SLC4A1AP: variants seen among roughly 807,000 people sequenced by gnomAD.
SLC4A1AP encodes the protein solute carrier family 4 member 1 adaptor protein.
SLC4A1AP carries 64 observed loss-of-function variants against 89.7 expected under a neutral mutation model. The ratio of observed to expected loss-of-function variants is 0.71; its 90% CI spans 0.58 to 0.88. SLC4A1AP has a LOEUF of 0.88. Among genes scored for constraint, SLC4A1AP ranks in the 40% least tolerant of loss-of-function variants. The pLI is 0.00. For synonymous variants in SLC4A1AP, 366 were observed against 353.3 expected (o/e 1.04, Z -0.40); for missense variants, 931 against 965.0 (o/e 0.96, Z 0.47).
intron 2 of SLC4A1AP, among the ~76,000 whole-genome samples, chr2:27,666,876 T>A (rs1289551269): frequency 7.0e-5 from 10 of 142,316 alleles, no homozygotes; most frequent in East Asian, 2.4e-4. Flanking sequence ...TATATATTTT[T>A]TTTTTTTTGG....
chr2:27,673,760 C>G (rs1675468922), intron 5 of SLC4A1AP, among the ~76,000 whole-genome samples: 2 of 152,100 alleles, frequency 1.3e-5, no homozygotes, highest in Non-Finnish European at 2.9e-5. Flanking sequence ...AATGTACCAT[C>G]TTAACCTGCA....
At chr2:27,672,591 G>T (rs1675442567) in intron 5 of SLC4A1AP, among the ~76,000 whole-genome samples, 1 of 151,888 alleles carries the variant, frequency 6.6e-6, no homozygotes, top group South Asian at 2.1e-4. Flanking sequence ...TTTTTATGTG[G>T]TCTCTGTTCT....
At chr2:27,670,298 G>C (rs111317090) in intron 5 of SLC4A1AP, among the ~76,000 whole-genome samples, 60 of 151,620 alleles carry the variant, frequency 4.0e-4, no homozygotes, top group African/African-American at 1.4e-3. Context: ...GCGCCTGGCC[G>C]TATCACGAAT....
exon 2 of SLC4A1AP, chr2:27,665,156 A>G (rs1427203300): frequency 6.2e-7 from 1 of 1,614,006 alleles, no homozygotes. Flanking sequence ...AGTTGAAGGA[A>G]TTGCGCAAGC....
At chr2:27,666,359 ACCCCCCCCCC>A (rs1553363258) in intron 2 of SLC4A1AP, among the ~76,000 whole-genome samples, 1 of 3,360 alleles carries the variant, frequency 3.0e-4, no homozygotes, top group Non-Finnish European at 9.0e-4. Context: ...TCCACCCCCC[ACCCCCCCCCC>A]CCACCCCGCC....
At chr2:27,664,167 C>A (rs9678851) in exon 1 of SLC4A1AP, 850,421 of 1,613,926 alleles carry the variant, frequency 0.53, 233,019 homozygotes, top group Non-Finnish European at 0.57. Context: ...GTCGCGCCCC[C>A]CGACAGCGGT....
intron 8 of SLC4A1AP, 136 bp downstream of exon 8, chr2:27,678,060 A>C: frequency 1.7e-6 from 1 of 579,222 alleles, no homozygotes; most frequent in South Asian, 3.6e-5. Flanking sequence ...CACAGAAAGC[A>C]GTGGTTTCAT....
chr2:27,686,684 G>C (rs1037897644), intron 10 of SLC4A1AP, among the ~76,000 whole-genome samples: 1 of 152,164 alleles, frequency 6.6e-6, no homozygotes, highest in Non-Finnish European at 1.5e-5. Context: ...GCAGGCAGGA[G>C]AATTGCTTGA....
chr2:27,690,147 CTA>C (rs901695539), intron 12 of SLC4A1AP, among the ~76,000 whole-genome samples: 13 of 152,030 alleles, frequency 8.6e-5, no homozygotes, highest in Non-Finnish European at 1.3e-4. Flanking sequence ...AAAATTATAC[CTA>C]TATATATAAT....
intron 6 of SLC4A1AP, among the ~76,000 whole-genome samples, 176 bp from the exon 7 acceptor site, chr2:27,677,119 C>G (rs959799634): frequency 1.3e-5 from 2 of 151,872 alleles, no homozygotes; most frequent in Non-Finnish European, 2.9e-5. Context: ...ACCCTGGCAA[C>G]AGAATGAGGC....
chr2:27,681,607 C>T, intron 8 of SLC4A1AP, among the ~76,000 whole-genome samples: 1 of 152,100 alleles, frequency 6.6e-6, no homozygotes, highest in Non-Finnish European at 1.5e-5. Context: ...GAATTGCTAT[C>T]CCTTTTGTTT....
exon 1 of SLC4A1AP, chr2:27,664,202 G>A: frequency 6.2e-7 from 1 of 1,614,122 alleles, no homozygotes; most frequent in Non-Finnish European, 8.5e-7. Context: ...GTCCAGCCCG[G>A]GCTCCCCCCT....
At chr2:27,694,104 A>G (rs1312907519) in intron 13 of SLC4A1AP, among the ~76,000 whole-genome samples, 1 of 152,210 alleles carries the variant, frequency 6.6e-6, no homozygotes, top group Non-Finnish European at 1.5e-5. Flanking sequence ...GTCAAAAGAA[A>G]GGAAAACAAT....
chr2:27,667,622 T>TA (rs1675352642), intron 3 of SLC4A1AP, among the ~76,000 whole-genome samples: 1 of 152,048 alleles, frequency 6.6e-6, no homozygotes, highest in South Asian at 2.1e-4. Flanking sequence ...CTTCTTATCT[T>TA]AAAAAAAGGA....
At chr2:27,688,651 TTTAC>T in intron 11 of SLC4A1AP, 45 bp from the exon 12 acceptor site, 1 of 1,348,028 alleles carries the variant, frequency 7.4e-7, no homozygotes, top group East Asian at 2.3e-5. Flanking sequence ...GCCTTTTTAT[TTTAC>T]TTATACTGAA....
intron 8 of SLC4A1AP, among the ~76,000 whole-genome samples, chr2:27,678,316 A>T (rs968533329): frequency 2.6e-5 from 4 of 152,122 alleles, no homozygotes; most frequent in Non-Finnish European, 4.4e-5. Context: ...AGGTTGAAGC[A>T]GGCAGATCAC....
intron 5 of SLC4A1AP, among the ~76,000 whole-genome samples, chr2:27,674,271 A>G (rs1675479082): frequency 6.6e-6 from 1 of 152,170 alleles, no homozygotes; most frequent in Admixed American, 6.5e-5. Context: ...GGAATTTTCT[A>G]GGGGAAAGAG....
intron 5 of SLC4A1AP, among the ~76,000 whole-genome samples, chr2:27,673,987 A>G (rs1675472348): frequency 7.0e-6 from 1 of 142,712 alleles, no homozygotes; most frequent in South Asian, 2.2e-4. Context: ...GGACATATAC[A>G]AGTTGTGTGT....
chr2:27,690,998 CTTT>C (rs1057031164), intron 12 of SLC4A1AP, among the ~76,000 whole-genome samples: 1 of 150,858 alleles, frequency 6.6e-6, no homozygotes, highest in Non-Finnish European at 1.5e-5. Context: ...CTCTAGTTTT[CTTT>C]TTTTTTGTTA....
Sources: gnomAD v4.1 joint callset for allele counts (sites outside exome capture counted in the v4.1 genomes callset) on GRCh38, gnomAD v4.1.1 for gene constraint, MANE v1.5 for transcripts, NCBI Gene and HGNC (gene_info 2026-07-23, HGNC 2026-07-21) for gene names.